Variants in LARS1 observed in about 807,000 individuals in gnomAD.
LARS1 encodes the protein leucine--tRNA ligase, cytoplasmic.
In LARS1, 100 loss-of-function variants were observed where a neutral mutation model predicts 162.8. The observed-to-expected ratio is 0.61, with a 90% confidence interval of 0.52 to 0.73. LARS1 has a LOEUF of 0.73. Among genes scored for constraint, LARS1 ranks in the 30% least tolerant of loss-of-function variants. The pLI is 0.00. For missense variants in LARS1, 1,258 were observed against 1,408.9 expected (o/e 0.89, Z 1.71); for synonymous variants, 457 against 462.8 (o/e 0.99, Z 0.16).
intron 2 of LARS1, among the ~76,000 whole-genome samples, chr5:146,174,014 T>C (rs1019951416): frequency 1.3e-5 from 2 of 152,040 alleles, no homozygotes; most frequent in African/African-American, 4.8e-5. Context: ...ACAAAGCAGC[T>C]TTTTCAGTTC....
intron 4 of LARS1, among the ~76,000 whole-genome samples, chr5:146,169,639 C>T (rs1170467960): frequency 6.6e-6 from 1 of 151,770 alleles, no homozygotes; most frequent in African/African-American, 2.4e-5. Flanking sequence ...ACCTCTACTT[C>T]CCGGGTTCAA....
Position 146,143,498 on chromosome 5 carries a change from G to A in LARS1, c.1791C>T (p.Ser597=). ...CTGTGTAAAATGCCATGTAAATAGTGGAGTCAGAAAGTGATTCAATCAGCC... is the reference window on the plus strand; with the variant it reads ...CTGTGTAAAATGCCATGTAAATAGTAGAGTCAGAAAGTGATTCAATCAGCC... ...EQWLIESLSD[S]TIYMAFYTVA... Residue 597 remains serine, a synonymous_variant, in exon 19 of 32, where the codon TCC becomes TCT. Transcript: ENST00000394434. 3 of 1,613,974 alleles carry A rather than the reference G, an allele frequency of 1.9e-6. No individual in the cohort carries two copies. Among genetic ancestry groups the A allele is most frequent in the Non-Finnish European group, 2.5e-6 (3 of 1,179,926 alleles).
intron 2 of LARS1, 33 bp downstream of exon 2, chr5:146,177,514 A>ACAATGTG (rs771526206): frequency 1.8e-6 from 1 of 543,662 alleles, no homozygotes; most frequent in East Asian, 4.0e-5. Flanking sequence ...ATATAGAAAT[A>ACAATGTG]CAATGTGCAG....
intron 2 of LARS1, among the ~76,000 whole-genome samples, chr5:146,175,984 G>T (rs1754542973): frequency 6.6e-6 from 1 of 151,560 alleles, no homozygotes; most frequent in African/African-American, 2.4e-5. Context: ...GCAAGACCCT[G>T]TCTCTAAGAA....
chr5:146,123,989 G>T lies in LARS1; in HGVS notation c.3089C>A (p.Ser1030Ter). 5.7e-6 allele frequency: 9 copies of T among 1,588,070 alleles called. No individual in the cohort carries two copies. Among genetic ancestry groups the T allele is most frequent in the Non-Finnish European group, 7.8e-6 (9 of 1,158,320 alleles). The part of the protein sequence containing the change: ...LMENIVYLTN[S>*]LELEHIEVKF... ...AATCCCTGGCCCTCTTACCTCAAGC[G>T]AATTAGTCAGATAGACTATATTCTC... Residue 1030 changes from serine to a stop codon, truncating the protein, a stop_gained, in exon 29 of 32, where the codon TCG (serine) becomes TAG (stop). Transcript: ENST00000394434. LOFTEE classifies it high-confidence loss of function.
chr5:146,119,953 A>G (rs1751744501), intron 31 of LARS1, among the ~76,000 whole-genome samples: 2 of 152,188 alleles, frequency 1.3e-5, no homozygotes, highest in Admixed American at 6.5e-5. Flanking sequence ...AATACATGGA[A>G]GACATGCAAT....
chr5:146,135,359 T>C (rs985472680), intron 22 of LARS1, among the ~76,000 whole-genome samples: 1 of 152,078 alleles, frequency 6.6e-6, no homozygotes, highest in African/African-American at 2.4e-5. Context: ...ATCTTAGCAA[T>C]GATATTGAGT....
intron 4 of LARS1, among the ~76,000 whole-genome samples, chr5:146,169,240 A>T (rs1754152704): frequency 6.6e-6 from 1 of 152,198 alleles, no homozygotes. Flanking sequence ...CCAAGGTCAT[A>T]CAGCTAGCAA....
chr5:146,147,187 T>C (rs1942965086), intron 15 of LARS1, among the ~76,000 whole-genome samples: 1 of 152,176 alleles, frequency 6.6e-6, no homozygotes, highest in Non-Finnish European at 1.5e-5. Context: ...AAAACATTTC[T>C]TTTTACACCC....
intron 21 of LARS1, among the ~76,000 whole-genome samples, chr5:146,137,343 C>A (rs894902221): frequency 6.7e-6 from 1 of 150,014 alleles, no homozygotes; most frequent in Non-Finnish European, 1.5e-5. Flanking sequence ...TAATTTTGTA[C>A]TTTTTTTTTT....
Position 146,164,426 on chromosome 5 carries a change from T to G in LARS1, c.478A>C (p.Ile160Leu). ...KAGSSKYQWG[I>L]MKSLGLSDEE... ...TCAGACAGGCCAAGGGATTTCATAATGCCCCACTGGTATTTAGAAGATCCA... is the reference window on the plus strand; with the variant it reads ...TCAGACAGGCCAAGGGATTTCATAAGGCCCCACTGGTATTTAGAAGATCCA... Residue 160 changes from isoleucine to leucine, a missense_variant, in exon 6 of 32, where the codon ATT becomes CTT. Physicochemically the swap from Ile to Leu is conservative, Grantham distance 5. Coordinates refer to ENST00000394434, the MANE Select transcript of LARS1 (RefSeq NM_020117.11). The G allele has an allele frequency of 3.1e-6, 5 of 1,614,136 alleles. No individual in the cohort carries two copies. The highest frequency in any genetic ancestry group is 1.1e-5 in the South Asian group (1 of 91,082).
In LARS1 at chr5:146,171,898, T is replaced by G; in HGVS notation, c.294+12A>C. The G allele has an allele frequency of 6.2e-7, 1 of 1,600,068 alleles. No homozygotes were observed. Among genetic ancestry groups the G allele is most frequent in the Non-Finnish European group, 8.5e-7 (1 of 1,171,422 alleles). ...TAAAAAGAGTAGAAACCAATCCTATTAGCGATCTTACCTTAATAGGCATTC... is the reference window on the plus strand; with the variant it reads ...TAAAAAGAGTAGAAACCAATCCTATGAGCGATCTTACCTTAATAGGCATTC... On this transcript the variant is annotated intron_variant, in intron 4 of 31. Transcript: ENST00000394434.
chr5:146,144,680 C>G lies in LARS1; in HGVS notation c.1533G>C (p.Glu511Asp). 1.2e-6 allele frequency: 2 copies of G among 1,613,948 alleles called. No individual in the cohort carries two copies. The highest frequency in any genetic ancestry group is 2.2e-5 in the South Asian group (2 of 91,088). Residue 511 changes from glutamate (E) to aspartate (D), a missense_variant, in exon 16 of 32, where the codon GAG becomes GAC. Transcript: ENST00000394434. ...CTGACGACCTGGACATCACTTGTTT[C>G]TCTGGTTCCATGTAAATAAGTGCAT... ...AGDALIYMEP[E>D]KQVMSRSSDE...
In LARS1 at chr5:146,142,871, C is replaced by T; in HGVS notation, c.2090+1G>A. 6 of 1,611,026 alleles carry T rather than the reference C, an allele frequency of 3.7e-6. No homozygotes were observed. The highest frequency in any genetic ancestry group is 5.1e-6 in the Non-Finnish European group (6 of 1,177,436). ...TAGTCCACACCTATTTTATCATTCACCTTTGTTCCGGCCACATAGCCACAT... is the reference window on the plus strand; with the variant it reads ...TAGTCCACACCTATTTTATCATTCATCTTTGTTCCGGCCACATAGCCACAT... On this transcript the variant is annotated splice_donor_variant, in intron 20 of 31. Transcript: ENST00000394434. LOFTEE classifies it high-confidence loss of function.
At chr5:146,123,157 A>G (rs941125276) in intron 29 of LARS1, among the ~76,000 whole-genome samples, 2 of 152,008 alleles carry the variant, frequency 1.3e-5, no homozygotes, top group Non-Finnish European at 2.9e-5. Context: ...CTTAATTAGA[A>G]ACAACTTTCT....
Position 146,131,123 on chromosome 5 carries a change from G to A in LARS1, c.2397-14C>T. On this transcript the variant is annotated splice_polypyrimidine_tract_variant and intron_variant, in intron 23 of 31. Transcript: ENST00000394434. ...GCATTCAATTCACTATTGAATACGG[G>A]GAAAAAAAGGTTATTGAGTTTAAAG... is the stretch of plus-strand genomic sequence containing the variant. 2.9e-6 allele frequency: 4 copies of A among 1,369,934 alleles called. No individual in the cohort carries two copies. Among genetic ancestry groups the A allele is most frequent in the Admixed American group, 2.1e-5 (1 of 46,546 alleles). 84.9% of individuals were successfully genotyped at this position (1,369,934 alleles called of 1,614,324 possible). A position where few individuals can be genotyped will look rare whatever the true frequency, so the allele number is the denominator to read the frequency against.
chr5:146,125,439 A>G (rs114847377), intron 28 of LARS1, among the ~76,000 whole-genome samples: 207 of 152,152 alleles, frequency 1.4e-3, no homozygotes, highest in African/African-American at 4.8e-3. Flanking sequence ...AGGACAGTAC[A>G]AGAATAACTA....
chr5:146,122,073 C>T (rs13171828), intron 30 of LARS1, among the ~76,000 whole-genome samples: 34,042 of 152,064 alleles, frequency 0.22, 4,888 homozygotes, highest in Admixed American at 0.34. Flanking sequence ...TCCAGCATAA[C>T]TTAAGATTAT....
intron 21 of LARS1, chr5:146,138,119 CAAA>C (rs35849077): frequency 2.5e-4 from 30 of 118,534 alleles, no homozygotes; most frequent in Non-Finnish European, 3.0e-4. Flanking sequence ...GACTCTATCT[CAAA>C]AAAAAAAAAA....
Sources: allele counts gnomAD v4.1 joint callset (sites outside exome capture counted in the v4.1 genomes callset), GRCh38; gene constraint gnomAD v4.1.1; transcripts MANE v1.5; gene names NCBI Gene and HGNC (gene_info 2026-07-23, HGNC 2026-07-21).